The following TRPM2 variants were observed in gnomAD, a reference collection of about 807,000 sequenced individuals.
The protein encoded by TRPM2 is estrogen-responsive element-associated gene 1 protein.
In TRPM2, 161 loss-of-function variants were observed where a neutral mutation model predicts 174.0. The ratio of observed to expected loss-of-function variants is 0.93; its 90% CI spans 0.81 to 1.05. TRPM2 has a LOEUF of 1.05. TRPM2 is among the 50% of genes least tolerant of loss of function. The pLI is 0.00. For missense variants in TRPM2, 2,057 were observed against 2,038.0 expected (o/e 1.01, Z -0.18); for synonymous variants, 954 against 861.3 (o/e 1.11, Z -1.88).
At chr21:44,402,321 C>T (rs1360339329) in intron 16 of TRPM2, among the ~76,000 whole-genome samples, 1 of 152,178 alleles carries the variant, frequency 6.6e-6, no homozygotes, top group Non-Finnish European at 1.5e-5. Flanking sequence ...TATTAAGCAA[C>T]AGTCTACAGA....
At chr21:44,425,003 G>A in intron 24 of TRPM2, 64 bp downstream of exon 24, 2 of 1,439,956 alleles carry the variant, frequency 1.4e-6, no homozygotes, top group Non-Finnish European at 1.9e-6. Flanking sequence ...TCTGGGGTCA[G>A]TTGGGAGGAG....
chr21:44,435,090 A>T lies in TRPM2; in HGVS notation c.3975-41A>T, dbSNP rs372423080. ...CCTCCCTGCCCTGTCCTGCTCCCCC[A>T]TTGGTGGACGGTGGACTGACTCAAC... On this transcript the variant is annotated intron_variant, in intron 27 of 31. Coordinates refer to ENST00000397928, the MANE Select transcript of TRPM2 (RefSeq NM_003307.4). 8.2e-6 allele frequency: 13 copies of T among 1,590,294 alleles called. No individual in the cohort carries two copies. In the African/African-American group the frequency reaches 1.2e-4, roughly 15 times the overall value.
At chr21:44,431,598 C>T (rs1295244361) in intron 27 of TRPM2, among the ~76,000 whole-genome samples, 5 of 152,192 alleles carry the variant, frequency 3.3e-5, no homozygotes, top group Admixed American at 3.3e-4. Flanking sequence ...ACCTCAGCCT[C>T]CCAAGTCACT....
rs148378337 is a variant in TRPM2 at position 44,397,652 on chromosome 21, G to A, written c.1933-95G>A. 3,712 of 1,400,980 alleles carry A rather than the reference G, an allele frequency of 2.6e-3. 9 individuals are homozygous for A. The highest frequency in any genetic ancestry group is 0.014 in the Middle Eastern group (60 of 4,340). 86.8% of individuals were successfully genotyped at this position (1,400,980 alleles called of 1,614,324 possible). A position where few individuals can be genotyped will look rare whatever the true frequency, so the allele number is the denominator to read the frequency against. ...TTGCCCAGTGGCCCGCACTGTCCCC[G>A]GGCCTCGTTTTCATCACCTGGGGCA... On this transcript the variant is annotated intron_variant, in intron 12 of 31. Coordinates refer to ENST00000397928, the MANE Select transcript of TRPM2 (RefSeq NM_003307.4).
rs563317637 is a variant in TRPM2 at position 44,406,751 on chromosome 21, C to A, written c.2948C>A (p.Pro983Gln). 4.4e-6 allele frequency: 7 copies of A among 1,604,192 alleles called. No individual in the cohort carries two copies. Among genetic ancestry groups the A allele is most frequent in the East Asian group, 2.2e-5 (1 of 44,600 alleles). ...HSYLTIFGQI[P>Q]GYIDGVNFNP... ...TACCTCACCATCTTCGGGCAGATCCCGGGCTACATCGACGGTAGGAGCCGG... is the reference window on the plus strand; with the variant it reads ...TACCTCACCATCTTCGGGCAGATCCAGGGCTACATCGACGGTAGGAGCCGG... The change falls in exon 19 of 32, where the codon CCG becomes CAG. Residue 983 changes from proline (P) to glutamine (Q), a missense_variant. By Grantham distance (76) the Pro-to-Gln change is moderately conservative (BLOSUM62 -1). Transcript: ENST00000397928.
At chr21:44,381,091 G>A (rs1161181238) in intron 8 of TRPM2, among the ~76,000 whole-genome samples, 2 of 152,068 alleles carry the variant, frequency 1.3e-5, no homozygotes, top group Non-Finnish European at 2.9e-5. Flanking sequence ...GCTGGACCCC[G>A]AGGGATGGGG....
intron 7 of TRPM2, 48 bp downstream of exon 7, chr21:44,377,821 C>T (rs761446790): frequency 3.1e-6 from 5 of 1,603,326 alleles, no homozygotes; most frequent in Non-Finnish European, 3.4e-6. Context: ...CGTCCTGCTG[C>T]AGGCAGATGA....
chr21:44,401,395 C>A (rs375885463), intron 15 of TRPM2, among the ~76,000 whole-genome samples: 1 of 152,178 alleles, frequency 6.6e-6, no homozygotes, highest in East Asian at 1.9e-4. Flanking sequence ...TGTTTGCAGC[C>A]ATTAAGGTCA....
intron 7 of TRPM2, 124 bp downstream of exon 7, chr21:44,377,897 G>A: frequency 8.8e-7 from 1 of 1,136,786 alleles, no homozygotes. Flanking sequence ...TTTCCCACCA[G>A]AAGAAGAGAA....
At position 44,406,747 on chromosome 21, in the gene TRPM2, A is replaced by G. The variant is rs2049895838; in HGVS notation, c.2944A>G (p.Ile982Val). 1 of 1,605,760 alleles carries G rather than the reference A, an allele frequency of 6.2e-7. No individual in the cohort carries two copies. ...YHSYLTIFGQIPGYIDGVNFN... is the reference protein window; with the variant it reads ...YHSYLTIFGQVPGYIDGVNFN... ...CTCCTACCTCACCATCTTCGGGCAG[A>G]TCCCGGGCTACATCGACGGTAGGAG... Residue 982 changes from isoleucine to valine, a missense_variant, in exon 19 of 32, where the codon ATC (isoleucine) becomes GTC (valine). Ile to Val is a conservative substitution (Grantham distance 29). Transcript: ENST00000397928.
chr21:44,430,865 T>C (rs1028066979), intron 27 of TRPM2, among the ~76,000 whole-genome samples: 1 of 151,204 alleles, frequency 6.6e-6, no homozygotes, highest in African/African-American at 2.4e-5. Flanking sequence ...AAATGTATTG[T>C]GTCACAGATG....
At chr21:44,388,152 C>G (rs1299689024) in intron 9 of TRPM2, among the ~76,000 whole-genome samples, 1 of 152,082 alleles carries the variant, frequency 6.6e-6, no homozygotes, top group Non-Finnish European at 1.5e-5. Context: ...TGGAAGCAGC[C>G]CAAGTGTCCA....
intron 5 of TRPM2, among the ~76,000 whole-genome samples, chr21:44,371,586 C>T (rs2048544163): frequency 6.6e-6 from 1 of 152,210 alleles, no homozygotes; most frequent in Non-Finnish European, 1.5e-5. Flanking sequence ...TCAAATCTCC[C>T]CCAAGAGTTC....
At chr21:44,371,705 A>T (rs1464941441) in intron 5 of TRPM2, among the ~76,000 whole-genome samples, 1 of 152,336 alleles carries the variant, frequency 6.6e-6, no homozygotes, top group Non-Finnish European at 1.5e-5. Flanking sequence ...CCAAACAAGG[A>T]AATGAGGAGC....
chr21:44,415,239 C>T (rs1195837317), intron 20 of TRPM2: 1 of 73,982 alleles, frequency 1.4e-5, no homozygotes. Context: ...GTTTGAATAA[C>T]AGCCCCAGGG....
chr21:44,383,496 A>G (rs2048940638), intron 9 of TRPM2, among the ~76,000 whole-genome samples: 1 of 152,226 alleles, frequency 6.6e-6, no homozygotes, highest in African/African-American at 2.4e-5. Context: ...AACTTTTGTG[A>G]TAAAGGCCAG....
Position 44,406,745 on chromosome 21 carries a change from A to T in TRPM2, c.2942A>T (p.Gln981Leu), listed in dbSNP as rs770355128. The part of the protein sequence containing the change: ...VYHSYLTIFG[Q>L]IPGYIDGVNF... Reference sequence around the variant, plus strand: ...CACTCCTACCTCACCATCTTCGGGCAGATCCCGGGCTACATCGACGGTAGG... The same window carrying T: ...CACTCCTACCTCACCATCTTCGGGCTGATCCCGGGCTACATCGACGGTAGG... Residue 981 changes from glutamine to leucine, a missense_variant, in exon 19 of 32, where the codon CAG (glutamine) becomes CTG (leucine). Transcript: ENST00000397928. 1 of 1,606,358 alleles carries T rather than the reference A, an allele frequency of 6.2e-7. No individual in the cohort carries two copies. Among genetic ancestry groups the T allele is most frequent in the Non-Finnish European group, 8.5e-7 (1 of 1,178,214 alleles).
intron 2 of TRPM2, among the ~76,000 whole-genome samples, chr21:44,359,819 C>G (rs1257483923): frequency 2.0e-5 from 3 of 151,694 alleles, no homozygotes; most frequent in African/African-American, 7.3e-5. Context: ...CTGATCTTGG[C>G]TCACTGCAAC....
chr21:44,419,090 C>T (rs2050418186), intron 22 of TRPM2, among the ~76,000 whole-genome samples: 1 of 152,206 alleles, frequency 6.6e-6, no homozygotes, highest in Non-Finnish European at 1.5e-5. Context: ...GGCCTTCCGC[C>T]CTGCTAGGTG....
Sources: allele counts gnomAD v4.1 joint callset (sites outside exome capture counted in the v4.1 genomes callset), GRCh38; gene constraint gnomAD v4.1.1; transcripts MANE v1.5; gene names NCBI Gene and HGNC (gene_info 2026-07-23, HGNC 2026-07-21).